Variants in NBAS observed in about 807,000 individuals in gnomAD.
NBAS encodes NBAS subunit of NRZ tethering complex.
NBAS carries 219 observed loss-of-function variants against 302.5 expected under a neutral mutation model. That is an observed-to-expected ratio of 0.72 (90% confidence interval 0.65 to 0.81). The LOEUF (loss-of-function observed/expected upper bound fraction) is 0.81. Ranked by LOEUF, NBAS falls within the 30% of genes least tolerant of loss-of-function variation. NBAS has a pLI of 0.00. For missense variants in NBAS, 2,932 were observed against 2,841.6 expected (o/e 1.03, Z -0.72); for synonymous variants, 1,118 against 1,021.6 (o/e 1.09, Z -1.80).
Position 15,475,876 on chromosome 2 carries a change from T to G in NBAS, c.1152A>C (p.Lys384Asn). ...CATCTATCAGTGGGTAAAAGGACTCTTTATCTAAGAAGCGAAAAACAAATC... is the reference window on the plus strand; with the variant it reads ...CATCTATCAGTGGGTAAAAGGACTCGTTATCTAAGAAGCGAAAAACAAATC... ...STEKRKKIKD[K>N]ESFYPLIDVN... The change falls in exon 14 of 52, where the codon AAA becomes AAC. Residue 384 changes from lysine (K) to asparagine (N), a missense_variant. Transcript: ENST00000281513. The G allele has an allele frequency of 6.2e-7, 1 of 1,612,420 alleles. No homozygotes were observed. The highest frequency in any genetic ancestry group is 8.5e-7 in the Non-Finnish European group (1 of 1,178,758).
chr2:15,220,652 T>A (rs1414324966), intron 47 of NBAS, among the ~76,000 whole-genome samples: 4 of 152,228 alleles, frequency 2.6e-5, no homozygotes, highest in Non-Finnish European at 4.4e-5. Context: ...ATTATGTCAA[T>A]GGATTATTTA....
intron 35 of NBAS, among the ~76,000 whole-genome samples, chr2:15,331,075 A>T (rs1672321956): frequency 5.3e-5 from 8 of 152,200 alleles, no homozygotes; most frequent in Admixed American, 5.2e-4. Flanking sequence ...TACCAATCTA[A>T]TATCCTAACC....
the NBAS span, among the ~76,000 whole-genome samples, chr2:14,982,548 G>T: frequency 6.6e-6 from 1 of 152,126 alleles, no homozygotes; most frequent in Non-Finnish European, 1.5e-5. Context: ...GTCACTTCTG[G>T]AATGGAAGAG....
chr2:15,214,751 G>A (rs1666576680), intron 48 of NBAS, among the ~76,000 whole-genome samples: 2 of 152,154 alleles, frequency 1.3e-5, no homozygotes, highest in Non-Finnish European at 2.9e-5. Flanking sequence ...AGCTCTGAGA[G>A]GGAAGGGCAC....
At chr2:14,871,524 G>T in the NBAS span, among the ~76,000 whole-genome samples, 1 of 151,910 alleles carries the variant, frequency 6.6e-6, no homozygotes, top group African/African-American at 2.4e-5. Flanking sequence ...GCAAAAACAT[G>T]GATCAATATA....
the NBAS span, among the ~76,000 whole-genome samples, chr2:14,892,492 C>T: frequency 6.6e-6 from 1 of 151,802 alleles, no homozygotes; most frequent in East Asian, 1.9e-4. Flanking sequence ...TAAATCGCTT[C>T]TCTTCCAAGG....
chr2:15,283,356 T>A (rs997014883), intron 42 of NBAS, among the ~76,000 whole-genome samples: 5 of 152,080 alleles, frequency 3.3e-5, no homozygotes, highest in African/African-American at 9.7e-5. Flanking sequence ...ATAGTTCCCA[T>A]AATCCCCACG....
the NBAS span, among the ~76,000 whole-genome samples, chr2:15,069,107 A>G: frequency 6.6e-6 from 1 of 152,182 alleles, no homozygotes; most frequent in Non-Finnish European, 1.5e-5. Flanking sequence ...AGCTCTCACG[A>G]CCTAATCATC....
intron 44 of NBAS, among the ~76,000 whole-genome samples, chr2:15,266,018 G>C (rs977016834): frequency 2.6e-5 from 4 of 152,176 alleles, no homozygotes; most frequent in African/African-American, 9.7e-5. Flanking sequence ...AGCGGGACCA[G>C]GTGGAGATAA....
At chr2:15,317,199 T>C (rs779755309) in intron 38 of NBAS, among the ~76,000 whole-genome samples, 12 of 152,046 alleles carry the variant, frequency 7.9e-5, no homozygotes, top group African/African-American at 1.2e-4. Flanking sequence ...AGGAATCGCA[T>C]CAACATCAAC....
chr2:15,175,343 C>T (rs2125109761), intron 51 of NBAS, among the ~76,000 whole-genome samples: 1 of 152,144 alleles, frequency 6.6e-6, no homozygotes, highest in East Asian at 1.9e-4. Context: ...TGAGGGGTTG[C>T]ATAGAGGCAT....
At chr2:15,389,752 C>T (rs1297889538) in intron 28 of NBAS, among the ~76,000 whole-genome samples, 1 of 152,146 alleles carries the variant, frequency 6.6e-6, no homozygotes, top group Admixed American at 6.5e-5. Flanking sequence ...GAGATAAAAA[C>T]AAGTCTTTTT....
At chr2:15,285,303 C>T (rs1449877031) in intron 42 of NBAS, among the ~76,000 whole-genome samples, 1 of 152,160 alleles carries the variant, frequency 6.6e-6, no homozygotes, top group Non-Finnish European at 1.5e-5. Context: ...ACTCAATACT[C>T]ACTCCCTTTC....
At chr2:15,305,005 G>C (rs1206245201) in intron 40 of NBAS, among the ~76,000 whole-genome samples, 1 of 152,156 alleles carries the variant, frequency 6.6e-6, no homozygotes, top group Non-Finnish European at 1.5e-5. Flanking sequence ...CTTTGGACTT[G>C]GACTTTTGGG....
the NBAS span, among the ~76,000 whole-genome samples, chr2:15,062,481 A>G: frequency 3.3e-5 from 5 of 152,218 alleles, no homozygotes; most frequent in Non-Finnish European, 7.3e-5. Flanking sequence ...TTGGCATGAA[A>G]TCCAAATAAA....
At chr2:15,551,835 A>G (rs1201123731) in intron 5 of NBAS, among the ~76,000 whole-genome samples, 1 of 152,214 alleles carries the variant, frequency 6.6e-6, no homozygotes, top group Non-Finnish European at 1.5e-5. Context: ...CCCCATCCCC[A>G]AAGGTTCTGA....
chr2:15,261,855 G>A (rs1668868251), intron 44 of NBAS, among the ~76,000 whole-genome samples: 2 of 152,170 alleles, frequency 1.3e-5, no homozygotes. Flanking sequence ...TCTATTACAT[G>A]CTTGTAGTGG....
intron 21 of NBAS, among the ~76,000 whole-genome samples, chr2:15,440,167 C>A (rs1024615669): frequency 1.3e-5 from 2 of 152,192 alleles, no homozygotes; most frequent in Non-Finnish European, 2.9e-5. Flanking sequence ...GTTCTCCCAG[C>A]ACCCAACTGG....
chr2:14,870,447 T>C, the NBAS span, among the ~76,000 whole-genome samples: 1 of 152,244 alleles, frequency 6.6e-6, no homozygotes. Flanking sequence ...GGGAAGTTTA[T>C]GTCTTCCTCT....
Sources: gnomAD v4.1 joint callset for allele counts (sites outside exome capture counted in the v4.1 genomes callset) on GRCh38, gnomAD v4.1.1 for gene constraint, MANE v1.5 for transcripts, NCBI Gene and HGNC (gene_info 2026-07-23, HGNC 2026-07-21) for gene names.